STAB2: variants seen among roughly 807,000 people sequenced by gnomAD.
STAB2 encodes stabilin 2, also known as stabilin-2.
Under a neutral mutation model 338.1 loss-of-function variants are expected in STAB2, and 288 were observed. The ratio of observed to expected loss-of-function variants is 0.85; its 90% CI spans 0.77 to 0.94. The LOEUF (loss-of-function observed/expected upper bound fraction) is 0.94, where lower values mean the gene tolerates loss of function less well. STAB2 is among the 40% of genes least tolerant of loss of function. STAB2 has a pLI of 0.00. For synonymous variants in STAB2, 1,202 were observed against 1,193.3 expected (o/e 1.01, Z -0.15); for missense variants, 3,141 against 3,210.1 (o/e 0.98, Z 0.52).
intron 55 of STAB2, among the ~76,000 whole-genome samples, 200 bp downstream of exon 55, chr12:103,740,956 G>A (rs541586181): frequency 3.3e-5 from 5 of 152,242 alleles, no homozygotes; most frequent in African/African-American, 1.2e-4. Flanking sequence ...AGATCCTGCT[G>A]TGCATATATT....
chr12:103,641,278 T>A (rs1229322221), intron 9 of STAB2, among the ~76,000 whole-genome samples: 1 of 152,222 alleles, frequency 6.6e-6, no homozygotes, highest in South Asian at 2.1e-4. Flanking sequence ...AGATCTGTAC[T>A]TATTGTACAT....
At chr12:103,740,516 G>A in intron 54 of STAB2, 114 bp from the exon 55 acceptor site, 1 of 1,427,962 alleles carries the variant, frequency 7.0e-7, no homozygotes, top group South Asian at 1.5e-5. Flanking sequence ...CACACTGGAA[G>A]TCCCATTTTT....
intron 58 of STAB2, among the ~76,000 whole-genome samples, chr12:103,747,720 A>T (rs1883181272): frequency 6.6e-6 from 1 of 152,184 alleles, no homozygotes; most frequent in South Asian, 2.1e-4. Flanking sequence ...CTAGGCTGGG[A>T]GCAATGGCTC....
chr12:103,591,743 C>G (rs1247460877), intron 2 of STAB2, among the ~76,000 whole-genome samples: 1 of 152,148 alleles, frequency 6.6e-6, no homozygotes, highest in African/African-American at 2.4e-5. Flanking sequence ...TTTATGTAAA[C>G]TTTGCATTCT....
intron 28 of STAB2, among the ~76,000 whole-genome samples, chr12:103,689,270 G>T (rs992500267): frequency 6.6e-6 from 1 of 152,106 alleles, no homozygotes; most frequent in Admixed American, 6.5e-5. Context: ...ATCAGGTGAG[G>T]TTAGGCGTTC....
intron 25 of STAB2, among the ~76,000 whole-genome samples, chr12:103,677,917 T>C (rs1876536942): frequency 2.0e-5 from 3 of 152,204 alleles, no homozygotes; most frequent in Admixed American, 6.5e-5. Context: ...ATCAACCTTA[T>C]ATTTCTATAG....
chr12:103,660,386 T>C lies in STAB2; in HGVS notation c.1788+2T>C. On this transcript the variant is annotated splice_donor_variant, in intron 16 of 68. Coordinates refer to ENST00000388887, the MANE Select transcript of STAB2 (RefSeq NM_017564.10). LOFTEE classifies it high-confidence loss of function. The stretch of plus-strand genomic sequence containing the variant: ...TACCACATTGTCCCATTTACCCAGG[T>C]TGGCCCCACTTTTCCTGCTGCTACT... The C allele has an allele frequency of 1.2e-6, 2 of 1,614,196 alleles. No homozygotes were observed. Among genetic ancestry groups the C allele is most frequent in the Non-Finnish European group, 1.7e-6 (2 of 1,180,028 alleles).
In STAB2 at chr12:103,688,218, G is replaced by A; in HGVS notation, c.3045+3G>A. On this transcript the variant is annotated splice_donor_region_variant and intron_variant, in intron 28 of 68. Coordinates refer to ENST00000388887, the MANE Select transcript of STAB2 (RefSeq NM_017564.10). ...CTATATTTAACCGATGGATAAATGTGAGTACCTTTATTGGGACTTAGGATT... is the reference window on the plus strand; with the variant it reads ...CTATATTTAACCGATGGATAAATGTAAGTACCTTTATTGGGACTTAGGATT... 6.2e-7 allele frequency: 1 copy of A among 1,612,652 alleles called. No individual in the cohort carries two copies. The highest frequency in any genetic ancestry group is 1.1e-5 in the South Asian group (1 of 91,040).
intron 44 of STAB2, among the ~76,000 whole-genome samples, chr12:103,719,900 T>C (rs1880623530): frequency 6.6e-6 from 1 of 152,190 alleles, no homozygotes; most frequent in African/African-American, 2.4e-5. Flanking sequence ...GGGTGCTTAT[T>C]CTTCCTACAA....
intron 68 of STAB2, among the ~76,000 whole-genome samples, chr12:103,764,986 G>A (rs918694516): frequency 6.6e-6 from 1 of 150,970 alleles, no homozygotes; most frequent in African/African-American, 2.4e-5. Flanking sequence ...TACACGGGAG[G>A]CTGAGGCAAC....
At chr12:103,652,790 G>T in intron 12 of STAB2, 85 bp downstream of exon 12, 2 of 1,401,790 alleles carry the variant, frequency 1.4e-6, no homozygotes, top group East Asian at 2.6e-5. Context: ...TTTGTTTGGG[G>T]TTTGTGAAAA....
rs1251164421 is a variant in STAB2 at position 103,762,887 on chromosome 12, G to A, written c.7488+485G>A. On this transcript the variant is annotated intron_variant, in intron 67 of 68. Transcript: ENST00000388887. Reference sequence around the variant, plus strand: ...AGTTGAGTCCACATCCCAATCAGCAGCCAGCTCTTGACTGGCTGTGTAAGA... The same window carrying A: ...AGTTGAGTCCACATCCCAATCAGCAACCAGCTCTTGACTGGCTGTGTAAGA... Among the ~76,000 whole-genome samples, 16 of 152,342 alleles carry A rather than the reference G, an allele frequency of 1.1e-4. No homozygotes were observed. The South Asian group carries it at 3.1e-3, about 30-fold the overall frequency.
At chr12:103,673,507 C>T (rs1013198177) in intron 22 of STAB2, among the ~76,000 whole-genome samples, 1 of 152,034 alleles carries the variant, frequency 6.6e-6, no homozygotes, top group Non-Finnish European at 1.5e-5. Flanking sequence ...CACCATCATG[C>T]CCGGCTAATT....
rs191187426 is a variant in STAB2, at chr12:103,708,720, T to A, written c.4288+184T>A. 8.3e-4 allele frequency among the ~76,000 whole-genome samples: 126 copies of A among 152,260 alleles called. 1 individual carries two copies. Among genetic ancestry groups the A allele is most frequent in the African/African-American group, 2.9e-3 (122 of 41,558 alleles). On this transcript the variant is annotated intron_variant, in intron 39 of 68. Transcript: ENST00000388887. ...AGAAAGAAGAAAATAAAATCACTCA[T>A]AACCTCAAGGCAGGAAAGAACTATT...
At chr12:103,733,437 C>T (rs145191469) in intron 51 of STAB2, among the ~76,000 whole-genome samples, 32 of 152,290 alleles carry the variant, frequency 2.1e-4, no homozygotes, top group African/African-American at 7.5e-4. Context: ...CCAAGAGCAT[C>T]ATTCCTCTCT....
intron 38 of STAB2, 72 bp from the exon 39 acceptor site, chr12:103,708,368 AC>A (rs1378319482): frequency 1.4e-6 from 2 of 1,477,008 alleles, no homozygotes; most frequent in Non-Finnish European, 1.9e-6. Context: ...AATAAAGCAA[AC>A]CTAGTAAATG....
At chr12:103,654,827 G>T in intron 13 of STAB2, 129 bp downstream of exon 13, 4 of 1,195,080 alleles carry the variant, frequency 3.3e-6, no homozygotes, top group Non-Finnish European at 3.5e-6. Flanking sequence ...GCAGAGAGAA[G>T]AAGAGGTGGT....
At chr12:103,691,870 C>G (rs1877964728) in intron 30 of STAB2, among the ~76,000 whole-genome samples, 1 of 113,858 alleles carries the variant, frequency 8.8e-6, no homozygotes, top group African/African-American at 3.4e-5. Flanking sequence ...GAGAGGAAAC[C>G]AGAAAGAGTA....
At chr12:103,648,874 G>A (rs772224891) in intron 10 of STAB2, 51 bp downstream of exon 10, 2 of 1,595,864 alleles carry the variant, frequency 1.3e-6, no homozygotes, top group Middle Eastern at 3.4e-4. Context: ...TTTCAGGAAA[G>A]GGCATCTGCA....
Sources: gnomAD v4.1 joint callset for allele counts (sites outside exome capture counted in the v4.1 genomes callset) on GRCh38, gnomAD v4.1.1 for gene constraint, MANE v1.5 for transcripts, NCBI Gene and HGNC (gene_info 2026-07-23, HGNC 2026-07-21) for gene names.